TAF5L: variants seen among roughly 807,000 people sequenced by gnomAD.
The protein encoded by TAF5L is TATA-box binding protein associated factor 5 like.
Under a neutral mutation model 51.3 loss-of-function variants are expected in TAF5L, and 7 were observed. The ratio of observed to expected loss-of-function variants is 0.14; its 90% CI spans 0.08 to 0.26. The LOEUF (loss-of-function observed/expected upper bound fraction) is 0.26. TAF5L is among the 10% of genes least tolerant of loss of function. TAF5L has a pLI of 1.00. For missense variants in TAF5L, 575 were observed against 758.9 expected (o/e 0.76, Z 2.85); for synonymous variants, 291 against 308.1 (o/e 0.94, Z 0.58).
intron 1 of TAF5L, among the ~76,000 whole-genome samples, chr1:229,616,792 T>C (rs543371977): frequency 1.2e-4 from 19 of 152,288 alleles, no homozygotes; most frequent in East Asian, 9.6e-4. Flanking sequence ...CATGTAAATA[T>C]AAAATGTTAG....
intron 4 of TAF5L, chr1:229,601,778 G>T (rs1320377558): frequency 9.9e-7 from 1 of 1,014,502 alleles, no homozygotes; most frequent in Non-Finnish European, 1.2e-6. Flanking sequence ...CCTTCTGTGG[G>T]GAAAATAATA....
intron 1 of TAF5L, among the ~76,000 whole-genome samples, chr1:229,622,047 ATCTATCTATCTATC>A (rs1665222584): frequency 6.6e-6 from 1 of 151,704 alleles, no homozygotes; most frequent in African/African-American, 2.4e-5. Flanking sequence ...CTATCTATCT[ATCTATCTATCTATC>A]TATCTATACA....
At position 229,606,884 on chromosome 1, in the gene TAF5L, G is replaced by A. The variant is rs996307370; in HGVS notation, c.247+3222C>T. On this transcript the variant is annotated intron_variant, in intron 3 of 4. Transcript: ENST00000258281. ...CTCTCATCTACAGACAACCTGTGGA[G>A]GAAAAATACATTCAGGTGGATATAG... The A allele has an allele frequency of 5.1e-6, 5 of 985,330 alleles. No individual in the cohort carries two copies. The South Asian group carries it at 2.4e-4, about 46-fold the overall frequency. 61.0% of individuals were successfully genotyped at this position (985,330 alleles called of 1,614,324 possible).
At chr1:229,613,072 C>T (rs776159765) in intron 2 of TAF5L, among the ~76,000 whole-genome samples, 1 of 151,786 alleles carries the variant, frequency 6.6e-6, no homozygotes, top group African/African-American at 2.4e-5. Context: ...AATCCCAGCA[C>T]TTTGGGAGGC....
At position 229,607,270 on chromosome 1, in the gene TAF5L, T is replaced by C. The variant is rs545475406; in HGVS notation, c.247+2836A>G. 5.1e-6 allele frequency: 5 copies of C among 985,460 alleles called. No individual in the cohort carries two copies. The Admixed American group carries it at 1.8e-4, about 36-fold the overall frequency. The allele number at this position is 985,460 out of a possible 1,614,324, so 61.0% of individuals were successfully genotyped here. ...AAGCTCCTGCCTTCCAGTTCCACAA[T>C]GCTGTCAAATTCTGGTCCTTTCTCA... is the stretch of plus-strand genomic sequence containing the variant. On this transcript the variant is annotated intron_variant, in intron 3 of 4. Transcript: ENST00000258281.
At chr1:229,620,678 T>C (rs931442403) in intron 1 of TAF5L, among the ~76,000 whole-genome samples, 4 of 152,234 alleles carry the variant, frequency 2.6e-5, no homozygotes, top group Admixed American at 6.5e-5. Flanking sequence ...ACTTTAATAC[T>C]GTTTTACAGC....
rs112767299 is a variant in TAF5L, at chr1:229,612,649, A to C, written c.142+1692T>G. On this transcript the variant is annotated intron_variant, in intron 2 of 4. Transcript: ENST00000258281. Reference sequence around the variant, plus strand: ...GGGCTTCTGTTAGTGTTTCAGAGGAAGTCAGGAACCACTCCTTTGAGAGCA... The same window carrying C: ...GGGCTTCTGTTAGTGTTTCAGAGGACGTCAGGAACCACTCCTTTGAGAGCA... Among the ~76,000 whole-genome samples, 877 of 152,308 alleles carry C rather than the reference A, an allele frequency of 5.8e-3. 6 individuals carry two copies. The highest frequency in any genetic ancestry group is 0.02 in the African/African-American group (830 of 41,574).
In TAF5L at chr1:229,606,148, T is replaced by C. The variant is rs557041090; in HGVS notation, c.248-3229A>G. ...ATTCACTGTTGCTTCAGCTCATAGG[T>C]TCAAAATTGCTTAATTGCTCTCTCT... On this transcript the variant is annotated intron_variant, in intron 3 of 4. Coordinates refer to ENST00000258281, the Ensembl canonical transcript of TAF5L. 20 of 985,374 alleles carry C rather than the reference T, an allele frequency of 2.0e-5. No individual in the cohort carries two copies. The South Asian group carries it at 7.5e-4, about 37-fold the overall frequency. The allele number at this position is 985,374 out of a possible 1,614,324, so 61.0% of individuals were successfully genotyped here.
chr1:229,601,628 G>A, intron 4 of TAF5L: 1 of 986,166 alleles, frequency 1.0e-6, no homozygotes, highest in Non-Finnish European at 1.2e-6. Flanking sequence ...TCTCCAAGTG[G>A]GGTCTGGGAA....
intron 3 of TAF5L, among the ~76,000 whole-genome samples, chr1:229,605,189 C>A (rs1364591689): frequency 6.6e-6 from 1 of 151,806 alleles, no homozygotes; most frequent in Non-Finnish European, 1.5e-5. Flanking sequence ...GAGCTCCTGA[C>A]TTTAAGTGAT....
chr1:229,621,636 T>C (rs1233894510), intron 1 of TAF5L, among the ~76,000 whole-genome samples: 3 of 152,112 alleles, frequency 2.0e-5, no homozygotes, highest in African/African-American at 7.2e-5. Flanking sequence ...TATGACTACC[T>C]TACCATACCA....
At chr1:229,612,982 C>G (rs1277224714) in intron 2 of TAF5L, among the ~76,000 whole-genome samples, 1 of 139,128 alleles carries the variant, frequency 7.2e-6, no homozygotes, top group Non-Finnish European at 1.6e-5. Context: ...CTAAAGTATC[C>G]CAGCAATTTT....
At chr1:229,601,167 A>C in intron 4 of TAF5L, 1 of 985,460 alleles carries the variant, frequency 1.0e-6, no homozygotes, top group South Asian at 4.7e-5. Flanking sequence ...AGAATCAAAA[A>C]TTCAAAGGCC....
intron 3 of TAF5L, among the ~76,000 whole-genome samples, chr1:229,608,846 T>TA (rs1193477725): frequency 1.4e-4 from 22 of 151,748 alleles, no homozygotes; most frequent in African/African-American, 5.3e-4. Flanking sequence ...ACAAAAAAAT[T>TA]TAAAAAAATT....
intron 1 of TAF5L, among the ~76,000 whole-genome samples, chr1:229,621,975 T>A (rs1665215293): frequency 6.6e-6 from 1 of 152,072 alleles, no homozygotes; most frequent in African/African-American, 2.4e-5. Context: ...ACCCAAGCCA[T>A]CAATGCCTGT....
At chr1:229,624,437 A>G (rs1226193649) in intron 1 of TAF5L, among the ~76,000 whole-genome samples, 4 of 152,202 alleles carry the variant, frequency 2.6e-5, no homozygotes, top group Non-Finnish European at 5.9e-5. Flanking sequence ...CAGGGAACCT[A>G]GAAGGTATTT....
intron 4 of TAF5L, chr1:229,601,390 T>A: frequency 2.0e-6 from 2 of 985,428 alleles, no homozygotes; most frequent in Non-Finnish European, 2.4e-6. Flanking sequence ...ACAAAAATAC[T>A]TTGGCCCACA....
chr1:229,596,598 G>A (rs929952711), intron 4 of TAF5L, among the ~76,000 whole-genome samples: 5 of 152,148 alleles, frequency 3.3e-5, no homozygotes, highest in Non-Finnish European at 5.9e-5. Context: ...TGTGTGTGAC[G>A]ACAGAAAAGA....
At chr1:229,603,506 G>C (rs1664467811) in intron 3 of TAF5L, among the ~76,000 whole-genome samples, 1 of 152,160 alleles carries the variant, frequency 6.6e-6, no homozygotes, top group South Asian at 2.1e-4. Context: ...TTATTTTAGT[G>C]GGCTCATTAA....
Sources: gnomAD v4.1 joint callset for allele counts (sites outside exome capture counted in the v4.1 genomes callset) on GRCh38, gnomAD v4.1.1 for gene constraint, MANE v1.5 for transcripts, NCBI Gene and HGNC (gene_info 2026-07-23, HGNC 2026-07-21) for gene names.